The following CCNB3 variants were observed in gnomAD, a reference collection of about 807,000 sequenced individuals.
CCNB3 encodes the protein G2/mitotic-specific cyclin-B3.
Under a neutral mutation model 68.0 loss-of-function variants are expected in CCNB3, and 12 were observed. The ratio of observed to expected loss-of-function variants is 0.18; its 90% confidence interval spans 0.11 to 0.29. The LOEUF (loss-of-function observed/expected upper bound fraction) is 0.29, where lower values mean the gene tolerates loss of function less well. Ranked by LOEUF, CCNB3 falls within the 10% of genes least tolerant of loss-of-function variation. The pLI is 1.00. For missense variants in CCNB3, 904 were observed against 993.1 expected, an observed-to-expected ratio of 0.91 and a Z score of 1.21; for synonymous variants, 354 against 388.9, an observed-to-expected ratio of 0.91 and a Z score of 1.06.
Position 50,311,127 on chromosome X carries a change from C to A in CCNB3, c.2958C>A (p.Thr986=). Residue 986 remains threonine (T), a synonymous_variant, in exon 6 of 13, where the codon ACC becomes ACA. Coordinates refer to ENST00000376042, the MANE Select transcript of CCNB3 (RefSeq NM_033031.3). ...NVSSTAPESI[T]SKSSIATMTS... ...CTAGCACTGCCCCTGAATCCATAAC[C>A]AGCAAGTCCAGCATTGCTACCATGA... The A allele has an allele frequency of 8.3e-7, 1 of 1,205,498 alleles. No individual in the cohort carries two copies. The highest frequency in any genetic ancestry group is 1.1e-6 in the Non-Finnish European group (1 of 893,621).
Position 50,309,547 on chromosome X carries a change from T to C in CCNB3, c.1378T>C (p.Ser460Pro). 2 of 1,210,936 alleles carry C rather than the reference T, an allele frequency of 1.7e-6. No homozygotes were observed. The highest frequency in any genetic ancestry group is 2.2e-6 in the Non-Finnish European group (2 of 895,262). The change falls in exon 6 of 13, where the codon TCT becomes CCT. Residue 460 changes from serine (S) to proline (P), a missense_variant. Transcript: ENST00000376042. ...ILKEPSSLLKSPTEESPFDEA... is the reference protein window; with the variant it reads ...ILKEPSSLLKPPTEESPFDEA... Reference sequence around the variant, plus strand: ...AAAGGAGCCCTCGTCCTTGCTAAAGTCTCCAACTGAGGAGTCACCTTTTGA... The same window carrying C: ...AAAGGAGCCCTCGTCCTTGCTAAAGCCTCCAACTGAGGAGTCACCTTTTGA...
chrX:50,227,037 A>G (rs1329379356), intron 1 of CCNB3, among the ~76,000 whole-genome samples: 1 of 80,170 alleles, frequency 1.2e-5, no homozygotes, highest in Non-Finnish European at 2.2e-5. Context: ...ACAAATATAT[A>G]GAATATATAC....
At chrX:50,204,420 T>C (rs187566381), upstream of CCNB3, 1 of 108,362 alleles carries the variant, frequency 9.2e-6, no homozygotes, top group East Asian at 2.9e-4. Flanking sequence ...ACTTTAATTA[T>C]AAATGACTCG....
chrX:50,217,765 GT>G (rs1405699403), intron 1 of CCNB3, among the ~76,000 whole-genome samples: 1 of 111,511 alleles, frequency 9.0e-6, no homozygotes, highest in African/African-American at 3.3e-5. Context: ...TGCCTTCAAA[GT>G]TTTTTTCTGT....
In CCNB3 at chrX:50,218,615, C is replaced by T. The variant is rs1029205761; in HGVS notation, c.-113+13665C>T. On this transcript the variant is annotated intron_variant, in intron 1 of 12. Transcript: ENST00000376042. ...GTCCCTGCAAAGGACATGAACTCAT[C>T]CTTTTTTATGGCTGTATAGTATTCC... is the stretch of plus-strand genomic sequence containing the variant. Among the ~76,000 whole-genome samples, 105 of 111,885 alleles carry T rather than the reference C, an allele frequency of 9.4e-4. 1 individual carries two copies. The highest frequency in any genetic ancestry group is 3.2e-3 in the African/African-American group (98 of 30,803).
At chrX:50,214,508 A>ATATATATATATATATATATATATT (rs1211047337) in intron 1 of CCNB3, among the ~76,000 whole-genome samples, 11 of 68,747 alleles carry the variant, frequency 1.6e-4, no homozygotes, top group Non-Finnish European at 2.9e-4. Context: ...ATATATATAT[A>ATATATATATATATATATATATATT]TTTTAGCTGT....
At chrX:50,221,221 C>A (rs1273917960) in intron 1 of CCNB3, among the ~76,000 whole-genome samples, 4 of 111,234 alleles carry the variant, frequency 3.6e-5, no homozygotes, top group African/African-American at 1.3e-4. Flanking sequence ...TTTCAAAAAA[C>A]CAGCTCCTGT....
chrX:50,321,050 A>AT (rs1270906629), intron 8 of CCNB3, among the ~76,000 whole-genome samples: 2 of 111,429 alleles, frequency 1.8e-5, no homozygotes, highest in East Asian at 2.8e-4. Flanking sequence ...ATAAATGTGC[A>AT]TTTTTTAACA....
chrX:50,315,242 A>G (rs1258573883), intron 8 of CCNB3, among the ~76,000 whole-genome samples: 1 of 111,426 alleles, frequency 9.0e-6, no homozygotes, highest in Admixed American at 9.6e-5. Context: ...ATATTTTTAT[A>G]AAGCTCCACA....
chrX:50,342,051 C>T, intron 8 of CCNB3, 151 bp from the exon 9 acceptor site: 8 of 587,589 alleles, frequency 1.4e-5, no homozygotes. Flanking sequence ...TACACAGGAA[C>T]CTAGCTGAAG....
Position 50,351,612 on chromosome X carries a change from T to C in CCNB3, c.4097T>C (p.Phe1366Ser), listed in dbSNP as rs1211562446. ...AVYYKYSHPV[F>S]FEVAKIPALD... Reference sequence around the variant, plus strand: ...GACCCCTCTTCCTTTTGCAGGGTCTTCTTTGAAGTCGCCAAAATCCCTGCC... The same window carrying C: ...GACCCCTCTTCCTTTTGCAGGGTCTCCTTTGAAGTCGCCAAAATCCCTGCC... Residue 1366 changes from phenylalanine to serine, a missense_variant, in exon 13 of 13, where the codon TTC becomes TCC. Around this residue, in one of 2 missense-constraint regions of CCNB3, gnomAD observed 285 missense variants for 383.4 expected, o/e 0.74. Transcript: ENST00000376042. 6 of 1,208,592 alleles carry C rather than the reference T, an allele frequency of 5.0e-6. No homozygotes were observed. The highest frequency in any genetic ancestry group is 6.7e-6 in the Non-Finnish European group (6 of 894,146).
At chrX:50,279,191 CTA>C (rs1936020314) in intron 1 of CCNB3, among the ~76,000 whole-genome samples, 3 of 15,859 alleles carry the variant, frequency 1.9e-4, no homozygotes, top group South Asian at 0.021. Flanking sequence ...AATATATTCT[CTA>C]TATATAAATA....
At chrX:50,226,853 AAT>A (rs1338627265) in intron 1 of CCNB3, among the ~76,000 whole-genome samples, 6 of 75,223 alleles carry the variant, frequency 8.0e-5, no homozygotes, top group African/African-American at 3.5e-4. Flanking sequence ...ATATATATAG[AAT>A]ATATATAGAA....
At chrX:50,351,125 T>C (rs1923658184) in intron 11 of CCNB3, 116 bp from the exon 12 acceptor site, 1 of 826,667 alleles carries the variant, frequency 1.2e-6, no homozygotes, top group Non-Finnish European at 1.8e-6. Flanking sequence ...CTTTGAAATG[T>C]TTTGAATGTC....
At chrX:50,281,219 G>A (rs1381916800) in intron 1 of CCNB3, among the ~76,000 whole-genome samples, 3 of 111,676 alleles carry the variant, frequency 2.7e-5, no homozygotes, top group African/African-American at 9.7e-5. Flanking sequence ...GCTTTCGCGT[G>A]TCGCAGCTGT....
chrX:50,288,371 A>G (rs1489555209), intron 3 of CCNB3, among the ~76,000 whole-genome samples: 1 of 110,986 alleles, frequency 9.0e-6, no homozygotes, highest in Non-Finnish European at 1.9e-5. Context: ...ACACTTAGAT[A>G]CTTGTTAAAT....
chrX:50,226,272 T>TATATATATTTATATATATAGA (rs1935786084), intron 1 of CCNB3, among the ~76,000 whole-genome samples: 2 of 63,332 alleles, frequency 3.2e-5, no homozygotes, highest in Non-Finnish European at 5.1e-5. Context: ...ATATATAGAA[T>TATATATATTTATATATATAGA]ATATATATTT....
At chrX:50,350,096 C>T (rs1219189900) in intron 11 of CCNB3, among the ~76,000 whole-genome samples, 1 of 111,148 alleles carries the variant, frequency 9.0e-6, no homozygotes, top group Non-Finnish European at 1.9e-5. Flanking sequence ...TCTGTCTCCT[C>T]TACTAGACTA....
At chrX:50,285,326 T>G in intron 3 of CCNB3, 67 bp downstream of exon 3, 2 of 823,560 alleles carry the variant, frequency 2.4e-6, no homozygotes, top group Non-Finnish European at 3.6e-6. Flanking sequence ...TCAGTACCTA[T>G]CCTCACCTGT....
Sources: gnomAD v4.1 joint callset for allele counts (sites outside exome capture counted in the v4.1 genomes callset) on GRCh38, gnomAD v4.1.1 for gene constraint, gnomAD v4.1.1 regional missense constraint, MANE v1.5 for transcripts, NCBI Gene and HGNC (gene_info 2026-07-23, HGNC 2026-07-21) for gene names.